The following DOK5 variants were observed in gnomAD, a reference collection of about 807,000 sequenced individuals.
DOK5 encodes downstream of tyrosine kinase 5.
In DOK5, 27 loss-of-function variants were observed where a neutral mutation model predicts 43.3. The ratio of observed to expected loss-of-function variants is 0.62; its 90% CI spans 0.46 to 0.86. The LOEUF (loss-of-function observed/expected upper bound fraction) is 0.86. Among genes scored for constraint, DOK5 ranks in the 40% least tolerant of loss-of-function variants. DOK5 has a pLI of 0.00. For synonymous variants in DOK5, 146 were observed against 140.1 expected, an observed-to-expected ratio of 1.04 and a Z score of -0.30; for missense variants, 373 against 392.9, an observed-to-expected ratio of 0.95 and a Z score of 0.43.
intron 2 of DOK5, among the ~76,000 whole-genome samples, chr20:54,560,375 A>G (rs942693677): frequency 6.6e-6 from 1 of 152,204 alleles, no homozygotes; most frequent in African/African-American, 2.4e-5. Flanking sequence ...ATGACTCTTC[A>G]CATCTCCATA....
chr20:54,620,069 C>T (rs771814698), intron 6 of DOK5, among the ~76,000 whole-genome samples: 11 of 152,146 alleles, frequency 7.2e-5, no homozygotes, highest in Non-Finnish European at 1.5e-5. Flanking sequence ...AAATGTGCTG[C>T]TTAAAGCAAT....
chr20:54,485,146 A>C (rs992874127), intron 1 of DOK5, among the ~76,000 whole-genome samples: 5 of 152,190 alleles, frequency 3.3e-5, no homozygotes, highest in Non-Finnish European at 5.9e-5. Flanking sequence ...CCTGATCAAC[A>C]TGGTGAAACA....
intron 2 of DOK5, among the ~76,000 whole-genome samples, chr20:54,570,778 A>G (rs1362325456): frequency 1.3e-5 from 2 of 152,290 alleles, no homozygotes; most frequent in African/African-American, 2.4e-5. Context: ...TAAAAATCCC[A>G]TTGTAGTAAT....
At chr20:54,495,265 T>C (rs979941985) in intron 1 of DOK5, 5 of 152,164 alleles carry the variant, frequency 3.3e-5, no homozygotes, top group Non-Finnish European at 5.9e-5. Context: ...CTTAAAGAAA[T>C]GTTACTTTAG....
At chr20:54,528,808 C>A (rs1361759519) in intron 1 of DOK5, among the ~76,000 whole-genome samples, 1 of 151,848 alleles carries the variant, frequency 6.6e-6, no homozygotes, top group African/African-American at 2.4e-5. Context: ...CCATTTTCTT[C>A]TTTATATACT....
intron 6 of DOK5, among the ~76,000 whole-genome samples, chr20:54,624,530 G>A (rs913948715): frequency 7.2e-5 from 11 of 152,102 alleles, no homozygotes; most frequent in Non-Finnish European, 1.5e-4. Flanking sequence ...AAGAAAAATC[G>A]AAGCCAAAAT....
At chr20:54,546,128 C>T (rs1286106053) in intron 1 of DOK5, among the ~76,000 whole-genome samples, 1 of 152,126 alleles carries the variant, frequency 6.6e-6, no homozygotes, top group Non-Finnish European at 1.5e-5. Flanking sequence ...GAGTAAGATG[C>T]TCAACCTCAC....
At chr20:54,639,656 A>G (rs1979011584) in intron 6 of DOK5, among the ~76,000 whole-genome samples, 1 of 152,150 alleles carries the variant, frequency 6.6e-6, no homozygotes, top group South Asian at 2.1e-4. Context: ...ATATTTTTTA[A>G]GTAGGAAGAC....
Position 54,475,889 on chromosome 20 carries a change from C to T in DOK5, c.-58C>T. ...TGTCTTGACCCTGCCCTCCACCCTC[C>T]CCAGAGCCACTTCGGGTGCGCGCTC... On this transcript the variant is annotated 5_prime_UTR_variant, in exon 1 of 8. Transcript: ENST00000262593. This position sits in a 1 kb window ranked among gnomAD's most constrained non-coding sequence, Gnocchi z 4.2. The T allele has an allele frequency of 6.2e-7, 1 of 1,602,796 alleles. No individual in the cohort carries two copies. The highest frequency in any genetic ancestry group is 8.5e-7 in the Non-Finnish European group (1 of 1,175,394).
rs7271119 is a variant in DOK5, at chr20:54,643,618, C to A, written c.856+40C>A. ...ACCTGTGTCCAGGGTGTGGGCCAGG[C>A]CTGGGAGTACTGGGGAGGGGGCTCA... On this transcript the variant is annotated intron_variant, in intron 7 of 7. Transcript: ENST00000262593. 6 of 1,591,550 alleles carry A rather than the reference C, an allele frequency of 3.8e-6. No homozygotes were observed. The African/African-American group carries it at 8.0e-5, about 21-fold the overall frequency.
chr20:54,631,476 G>C (rs1329135956), intron 6 of DOK5, among the ~76,000 whole-genome samples: 1 of 151,818 alleles, frequency 6.6e-6, no homozygotes, highest in African/African-American at 2.4e-5. Flanking sequence ...GAGAAGGAGA[G>C]AGGGAGGGAG....
At chr20:54,576,197 G>A (rs563054183) in intron 2 of DOK5, among the ~76,000 whole-genome samples, 3 of 152,182 alleles carry the variant, frequency 2.0e-5, no homozygotes, top group Admixed American at 6.5e-5. Context: ...TTGGATAAAA[G>A]TATAATAATC....
chr20:54,570,151 T>G (rs935801580), intron 2 of DOK5, among the ~76,000 whole-genome samples: 1 of 152,220 alleles, frequency 6.6e-6, no homozygotes, highest in Non-Finnish European at 1.5e-5. Context: ...TTGTAACACA[T>G]TATACAACAT....
At chr20:54,645,960 A>C (rs4811515) in intron 7 of DOK5, among the ~76,000 whole-genome samples, 107,074 of 140,194 alleles carry the variant, frequency 0.76, 41,540 homozygotes, top group East Asian at 1. Context: ...AAAAAAAGAT[A>C]CTGAGTGCCT....
rs1294064860 is a variant in DOK5 at position 54,559,382 on chromosome 20, C to T, written c.174+4342C>T. On this transcript the variant is annotated intron_variant, in intron 2 of 7. Transcript: ENST00000262593. ...TCATCCTCTTTCTGTGTAAAGGTGGCCTCCAAGGCAAGTCACACATTTGCT... is the reference window on the plus strand; with the variant it reads ...TCATCCTCTTTCTGTGTAAAGGTGGTCTCCAAGGCAAGTCACACATTTGCT... Among the ~76,000 whole-genome samples, 12 of 152,280 alleles carry T rather than the reference C, an allele frequency of 7.9e-5. No individual in the cohort carries two copies. In the East Asian group the frequency reaches 2.3e-3, roughly 29 times the overall value.
intron 6 of DOK5, among the ~76,000 whole-genome samples, chr20:54,611,037 G>A (rs1986635102): frequency 6.6e-6 from 1 of 152,170 alleles, no homozygotes; most frequent in Non-Finnish European, 1.5e-5. Context: ...TGTAATACCT[G>A]CTAGTTGGTA....
In DOK5 at chr20:54,586,466, A is replaced by G. The variant is rs115642014; in HGVS notation, c.175-2017A>G. ...TATGGGTGAGTTGGGTCTTTCATTC[A>G]TATAGTCCACTTATAATTATTGAGT... is the stretch of plus-strand genomic sequence containing the variant. On this transcript the variant is annotated intron_variant, in intron 2 of 7. Coordinates refer to ENST00000262593, the MANE Select transcript of DOK5 (RefSeq NM_018431.5). 6.5e-3 allele frequency among the ~76,000 whole-genome samples: 991 copies of G among 152,300 alleles called. 16 individuals carry two copies. Among genetic ancestry groups the G allele is most frequent in the African/African-American group, 0.023 (957 of 41,572 alleles).
chr20:54,492,396 A>C (rs965832485), intron 1 of DOK5, among the ~76,000 whole-genome samples: 2 of 152,146 alleles, frequency 1.3e-5, no homozygotes, highest in African/African-American at 4.8e-5. Context: ...AAAAATTTTT[A>C]TGAATGGTCA....
intron 1 of DOK5, among the ~76,000 whole-genome samples, chr20:54,529,741 A>G (rs886232188): frequency 2.0e-5 from 3 of 152,150 alleles, no homozygotes; most frequent in African/African-American, 7.2e-5. Context: ...CCTTCCATCA[A>G]TTTCTGAAAA....
Sources: allele counts gnomAD v4.1 joint callset (sites outside exome capture counted in the v4.1 genomes callset), GRCh38; gene constraint gnomAD v4.1.1; non-coding constraint Gnocchi (gnomAD v3.1); transcripts MANE v1.5; gene names NCBI Gene and HGNC (gene_info 2026-07-23, HGNC 2026-07-21).